The following GRIK2 variants were observed in gnomAD, a reference collection of about 807,000 sequenced individuals.
GRIK2 encodes the protein glutamate ionotropic receptor kainate type subunit 2.
A neutral mutation model predicts 100.3 loss-of-function variants in GRIK2; 32 were observed. That is an observed-to-expected ratio of 0.32 (90% CI 0.24 to 0.43). The LOEUF (loss-of-function observed/expected upper bound fraction) is 0.43, where lower values mean the gene tolerates loss of function less well. GRIK2 is among the 20% of genes least tolerant of loss of function. The pLI is 1.00. For synonymous variants in GRIK2, 417 were observed against 389.4 expected, an observed-to-expected ratio of 1.07 and a Z score of -0.83; for missense variants, 843 against 1,114.9, an observed-to-expected ratio of 0.76 and a Z score of 3.47.
chr6:101,864,756 C>T (rs113749728), intron 11 of GRIK2, among the ~76,000 whole-genome samples: 2 of 152,238 alleles, frequency 1.3e-5, no homozygotes, highest in African/African-American at 4.8e-5. Flanking sequence ...TACAGGATTA[C>T]TGTTGAACCA....
chr6:102,065,314 A>G (rs1771962822), intron 16 of GRIK2, among the ~76,000 whole-genome samples: 1 of 151,218 alleles, frequency 6.6e-6, no homozygotes, highest in Non-Finnish European at 1.5e-5. Context: ...GGCTTTTTTC[A>G]ATTTACATTA....
chr6:101,497,400 A>G (rs1432245436), intron 2 of GRIK2, among the ~76,000 whole-genome samples: 1 of 152,178 alleles, frequency 6.6e-6, no homozygotes, highest in East Asian at 1.9e-4. Flanking sequence ...TGTTGATTTA[A>G]TGCAATAATG....
chr6:101,486,391 CGGGGGGGGGA>C (rs1772831373), intron 2 of GRIK2, among the ~76,000 whole-genome samples: 1 of 90,790 alleles, frequency 1.1e-5, no homozygotes. Context: ...GGGGGTGGGG[CGGGGGGGGGA>C]AGCTAAGTAG....
intron 16 of GRIK2, among the ~76,000 whole-genome samples, chr6:102,058,792 A>G (rs1771598487): frequency 6.6e-6 from 1 of 151,490 alleles, no homozygotes; most frequent in Non-Finnish European, 1.5e-5. Context: ...ATATTTATTG[A>G]TAAATAAGTC....
intron 2 of GRIK2, among the ~76,000 whole-genome samples, chr6:101,445,480 A>T (rs1256832527): frequency 6.6e-6 from 1 of 151,974 alleles, no homozygotes; most frequent in Admixed American, 6.6e-5. Flanking sequence ...GCCCTCTTAC[A>T]TCTTATTCAT....
chr6:101,758,351 T>C (rs1777267695), intron 7 of GRIK2, among the ~76,000 whole-genome samples: 2 of 152,250 alleles, frequency 1.3e-5, no homozygotes, highest in Admixed American at 1.3e-4. Flanking sequence ...TTGCTATAAC[T>C]AAGCCAGAAT....
chr6:101,636,479 T>C (rs183011677), intron 4 of GRIK2, among the ~76,000 whole-genome samples: 208 of 152,146 alleles, frequency 1.4e-3, no homozygotes, highest in African/African-American at 4.8e-3. Flanking sequence ...TGCACATGTA[T>C]CCCATAACTT....
intron 7 of GRIK2, among the ~76,000 whole-genome samples, chr6:101,793,329 C>A (rs1452117220): frequency 6.6e-6 from 1 of 152,074 alleles, no homozygotes; most frequent in African/African-American, 2.4e-5. Flanking sequence ...TTTTCCCCAT[C>A]TTTGTGGTAT....
chr6:101,713,423 G>C (rs1434415418), intron 7 of GRIK2, among the ~76,000 whole-genome samples: 2 of 151,630 alleles, frequency 1.3e-5, no homozygotes, highest in Non-Finnish European at 2.9e-5. Flanking sequence ...ATTTGTTTAT[G>C]ACCTAATGTC....
intron 4 of GRIK2, among the ~76,000 whole-genome samples, chr6:101,656,217 C>T (rs892583857): frequency 2.0e-5 from 3 of 150,830 alleles, no homozygotes; most frequent in Non-Finnish European, 3.0e-5. Flanking sequence ...GCAGGAGAAT[C>T]GCTTGAACCT....
chr6:102,009,981 G>A (rs1795440539), intron 14 of GRIK2, among the ~76,000 whole-genome samples: 1 of 151,988 alleles, frequency 6.6e-6, no homozygotes, highest in African/African-American at 2.4e-5. Flanking sequence ...ACAGCTTTAT[G>A]AAAACTTAAG....
chr6:101,662,127 A>G (rs1484521516), intron 4 of GRIK2, among the ~76,000 whole-genome samples: 1 of 152,234 alleles, frequency 6.6e-6, no homozygotes, highest in African/African-American at 2.4e-5. Flanking sequence ...CCAAGGGTTA[A>G]AACAGCTGGG....
chr6:101,652,665 C>T (rs1360233343), intron 4 of GRIK2, among the ~76,000 whole-genome samples: 1 of 152,000 alleles, frequency 6.6e-6, no homozygotes, highest in African/African-American at 2.4e-5. Context: ...TTATATTCTG[C>T]TGGGAATAAA....
chr6:101,661,634 G>T (rs1465207259), intron 4 of GRIK2, among the ~76,000 whole-genome samples: 1 of 152,142 alleles, frequency 6.6e-6, no homozygotes, highest in Non-Finnish European at 1.5e-5. Flanking sequence ...CTGGTCTGGT[G>T]GTTGTGAAGA....
chr6:101,685,419 A>G (rs1023129810), intron 6 of GRIK2, among the ~76,000 whole-genome samples: 5 of 152,116 alleles, frequency 3.3e-5, no homozygotes, highest in African/African-American at 1.2e-4. Flanking sequence ...ATTGTCCATA[A>G]GTTCGAGGGT....
At chr6:101,406,677 A>G (rs1775607707) in intron 2 of GRIK2, among the ~76,000 whole-genome samples, 1 of 152,156 alleles carries the variant, frequency 6.6e-6, no homozygotes, top group East Asian at 1.9e-4. Context: ...GTGCTGAGTG[A>G]TTAGCATGGG....
intron 11 of GRIK2, among the ~76,000 whole-genome samples, chr6:101,876,110 A>G (rs1457151303): frequency 6.6e-6 from 1 of 151,818 alleles, no homozygotes; most frequent in Non-Finnish European, 1.5e-5. Flanking sequence ...GCCTGTATTT[A>G]GGAAGTCAAA....
intron 14 of GRIK2, among the ~76,000 whole-genome samples, chr6:101,934,008 CT>C (rs373362759): frequency 2.0e-5 from 3 of 150,932 alleles, no homozygotes; most frequent in East Asian, 1.9e-4. Context: ...CTCTCCCTTT[CT>C]TTTTTTTTCC....
chr6:101,928,084 TA>T (rs1448685674), intron 13 of GRIK2: 20 of 245,442 alleles, frequency 8.1e-5, no homozygotes. Flanking sequence ...AAATGTGGTT[TA>T]TAAACCAGAA....
Sources: gnomAD v4.1 joint callset for allele counts (sites outside exome capture counted in the v4.1 genomes callset) on GRCh38, gnomAD v4.1.1 for gene constraint, MANE v1.5 for transcripts, NCBI Gene and HGNC (gene_info 2026-07-23, HGNC 2026-07-21) for gene names.